The following DIP2B variants were observed in gnomAD, a reference collection of about 807,000 sequenced individuals.
DIP2B encodes the protein DIP2 acetate--CoA ligase B (putative), also known as disco-interacting protein 2 homolog B.
Under a neutral mutation model 198.0 loss-of-function variants are expected in DIP2B, and 76 were observed. That is an observed-to-expected ratio of 0.38 (90% confidence interval 0.32 to 0.46). The LOEUF (loss-of-function observed/expected upper bound fraction) is 0.46, where lower values mean the gene tolerates loss of function less well. Among genes scored for constraint, DIP2B ranks in the 20% least tolerant of loss-of-function variants. DIP2B has a pLI of 0.99. For missense variants in DIP2B, 1,559 were observed against 1,978.4 expected (o/e 0.79, Z 4.02); for synonymous variants, 701 against 739.1 (o/e 0.95, Z 0.84).
intron 2 of DIP2B, among the ~76,000 whole-genome samples, chr12:50,630,427 A>T (rs1290333317): frequency 2.6e-5 from 4 of 151,648 alleles, no homozygotes; most frequent in African/African-American, 7.3e-5. Context: ...AATTCTGTCA[A>T]GTTTTGCTTT....
chr12:50,584,184 C>T (rs1425792328), intron 1 of DIP2B, among the ~76,000 whole-genome samples: 1 of 152,194 alleles, frequency 6.6e-6, no homozygotes, highest in East Asian at 1.9e-4. Context: ...CAAGGCTCAT[C>T]CTCTAACTTC....
rs558083004 is a variant in DIP2B, at chr12:50,584,971, G to A, written c.101-41005G>A. 9.9e-5 allele frequency among the ~76,000 whole-genome samples: 15 copies of A among 152,224 alleles called. No individual in the cohort carries two copies. The South Asian group carries it at 1.7e-3, about 17-fold the overall frequency. On this transcript the variant is annotated intron_variant, in intron 1 of 37. Coordinates refer to ENST00000301180, the MANE Select transcript of DIP2B (RefSeq NM_173602.3). ...GGAACCTGCCTGCTTCTCCTGCTTC[G>A]TTTCTACCTTTTTTCCTGTCCCTCA...
rs377231999 is a variant in DIP2B, at chr12:50,732,488, T to C, written c.3933T>C (p.Ala1311=). ...LFKDIGLSPR[A]VSTTFGSRVN... The stretch of plus-strand genomic sequence containing the variant: ...AAGACATCGGGCTGTCCCCGCGGGC[T>C]GTCAGCACCACTTTTGGATCAAGAG... The change falls in exon 32 of 38, where the codon GCT becomes GCC. Residue 1311 remains alanine (A), a synonymous_variant. Coordinates refer to ENST00000301180, the MANE Select transcript of DIP2B (RefSeq NM_173602.3). The C allele has an allele frequency of 6.8e-6, 11 of 1,614,246 alleles. No individual in the cohort carries two copies. The African/African-American group carries it at 1.1e-4, about 16-fold the overall frequency.
chr12:50,690,033 A>T (rs1231411704), intron 12 of DIP2B, among the ~76,000 whole-genome samples: 1 of 152,164 alleles, frequency 6.6e-6, no homozygotes, highest in Non-Finnish European at 1.5e-5. Flanking sequence ...GGTACAGATC[A>T]AACTCCTATT....
chr12:50,658,148 T>G (rs1004997676), intron 3 of DIP2B, among the ~76,000 whole-genome samples: 1 of 151,904 alleles, frequency 6.6e-6, no homozygotes, highest in Non-Finnish European at 1.5e-5. Context: ...TGTTGTTTTG[T>G]TTTTTTGAGA....
At chr12:50,708,822 G>T (rs1939560726) in intron 22 of DIP2B, among the ~76,000 whole-genome samples, 1 of 152,192 alleles carries the variant, frequency 6.6e-6, no homozygotes, top group African/African-American at 2.4e-5. Context: ...TTTACTACTT[G>T]TGAAAGTTTT....
At chr12:50,616,596 G>A (rs1937704502) in intron 1 of DIP2B, among the ~76,000 whole-genome samples, 1 of 152,158 alleles carries the variant, frequency 6.6e-6, no homozygotes, top group African/African-American at 2.4e-5. Flanking sequence ...ATTCTTTGGA[G>A]TCCTGTTGGA....
At chr12:50,611,845 A>G (rs1031027664) in intron 1 of DIP2B, among the ~76,000 whole-genome samples, 2 of 152,124 alleles carry the variant, frequency 1.3e-5, no homozygotes, top group Non-Finnish European at 2.9e-5. Context: ...ACAGTCTTCT[A>G]TATTCTTGAT....
At chr12:50,519,560 T>C (rs1041132275) in intron 1 of DIP2B, among the ~76,000 whole-genome samples, 1 of 152,224 alleles carries the variant, frequency 6.6e-6, no homozygotes, top group Non-Finnish European at 1.5e-5. Context: ...GATAATATTT[T>C]GGATGCTACA....
chr12:50,722,328 A>G (rs1223143783), intron 26 of DIP2B, among the ~76,000 whole-genome samples: 12 of 150,990 alleles, frequency 7.9e-5, no homozygotes, highest in Non-Finnish European at 1.6e-4. Context: ...TCTGCCACCC[A>G]CTGCAACCTC....
At chr12:50,527,465 T>G (rs1958177034) in intron 1 of DIP2B, among the ~76,000 whole-genome samples, 1 of 152,250 alleles carries the variant, frequency 6.6e-6, no homozygotes. Context: ...CAGGTTTGTC[T>G]TTATGGCTGA....
At chr12:50,561,347 CTT>C (rs1958517862) in intron 1 of DIP2B, among the ~76,000 whole-genome samples, 1 of 152,028 alleles carries the variant, frequency 6.6e-6, no homozygotes, top group African/African-American at 2.4e-5. Context: ...GTACAGGAAT[CTT>C]TTGTAGATGT....
intron 1 of DIP2B, among the ~76,000 whole-genome samples, chr12:50,621,197 A>G (rs528122611): frequency 6.6e-6 from 1 of 152,332 alleles, no homozygotes; most frequent in South Asian, 2.1e-4. Context: ...GAAATAACAG[A>G]TTCTCACTGA....
intron 1 of DIP2B, among the ~76,000 whole-genome samples, chr12:50,551,899 C>A (rs1236592110): frequency 6.6e-6 from 1 of 152,136 alleles, no homozygotes; most frequent in Non-Finnish European, 1.5e-5. Context: ...TTCCTCAAGA[C>A]CCTTTCAGTT....
intron 1 of DIP2B, among the ~76,000 whole-genome samples, chr12:50,507,605 T>A (rs1298021217): frequency 6.6e-6 from 1 of 152,196 alleles, no homozygotes; most frequent in Non-Finnish European, 1.5e-5. Context: ...GATTTTAGCT[T>A]ACCGCAACCT....
intron 1 of DIP2B, among the ~76,000 whole-genome samples, chr12:50,542,266 GA>G (rs1005366730): frequency 1.4e-4 from 20 of 143,466 alleles, no homozygotes; most frequent in East Asian, 6.1e-4. Flanking sequence ...AAAAAAAAAA[GA>G]AAAAAAAGAA....
intron 25 of DIP2B, among the ~76,000 whole-genome samples, chr12:50,720,075 T>G (rs1939806848): frequency 6.6e-6 from 1 of 151,096 alleles, no homozygotes; most frequent in Non-Finnish European, 1.5e-5. Flanking sequence ...GGATTACAGG[T>G]GCCCACCACC....
chr12:50,666,213 G>A (rs1308969361), intron 4 of DIP2B, among the ~76,000 whole-genome samples: 1 of 152,150 alleles, frequency 6.6e-6, no homozygotes, highest in Non-Finnish European at 1.5e-5. Context: ...AAAATTTAAG[G>A]TTTGCTGATA....
intron 2 of DIP2B, among the ~76,000 whole-genome samples, chr12:50,627,216 G>C (rs531891284): frequency 1.3e-5 from 2 of 152,278 alleles, no homozygotes; most frequent in Non-Finnish European, 1.5e-5. Context: ...TGAGTCACTT[G>C]GTGTAAAAGC....
Sources: allele counts gnomAD v4.1 joint callset (sites outside exome capture counted in the v4.1 genomes callset), GRCh38; gene constraint gnomAD v4.1.1; transcripts MANE v1.5; gene names NCBI Gene and HGNC (gene_info 2026-07-23, HGNC 2026-07-21).